ITPR1: variants seen among roughly 807,000 people sequenced by gnomAD.
The protein encoded by ITPR1 is inositol 1,4,5-trisphosphate receptor type 1.
ITPR1 carries 96 observed loss-of-function variants against 318.4 expected under a neutral mutation model. The ratio of observed to expected loss-of-function variants is 0.30; its 90% confidence interval spans 0.26 to 0.36. The LOEUF (loss-of-function observed/expected upper bound fraction) is 0.36. Among genes scored for constraint, ITPR1 ranks in the 10% least tolerant of loss-of-function variants. The probability of loss-of-function intolerance (pLI) is 1.00; values close to 1 mark genes in which losing one functional copy is unlikely to be tolerated. For missense variants in ITPR1, 2,440 were observed against 3,460.2 expected, an observed-to-expected ratio of 0.71 and a Z score of 7.40; for synonymous variants, 1,312 against 1,289.9, an observed-to-expected ratio of 1.02 and a Z score of -0.37.
In ITPR1 at chr3:4,735,297, C is replaced by T. The variant is rs774018521; in HGVS notation, c.5487C>T (p.Phe1829=). The change falls in exon 44 of 62, where the codon TTC becomes TTT. Residue 1829 remains phenylalanine (F), a synonymous_variant. Transcript: ENST00000649015. ...LIMNASSDRV[F]HESILLAIAL... ...TGAACGCATCCAGTGACCGAGTGTT[C>T]CATGAAAGCATTCTCCTGGCCATTG... is the stretch of plus-strand genomic sequence containing the variant. The T allele has an allele frequency of 7.4e-6, 12 of 1,613,960 alleles. No individual in the cohort carries two copies. Among genetic ancestry groups the T allele is most frequent in the Non-Finnish European group, 1.0e-5 (12 of 1,179,868 alleles).
chr3:4,569,693 A>G lies in ITPR1; in HGVS notation c.163+48599A>G, dbSNP rs538901956. Among the ~76,000 whole-genome samples the G allele has an allele frequency of 6.6e-5, 10 of 152,348 alleles. No homozygotes were observed. The South Asian group carries it at 2.1e-3, about 32-fold the overall frequency. On this transcript the variant is annotated intron_variant, in intron 4 of 61. Transcript: ENST00000649015. ...AGCATAGGTAACACAGCTGTTTTAG[A>G]GATGTCTTTAAAAGGGTACATGAGT...
Position 4,725,555 on chromosome 3 carries a change from G to A in ITPR1, c.5146G>A (p.Ala1716Thr), listed in dbSNP as rs766489652. The A allele has an allele frequency of 1.3e-5, 21 of 1,598,972 alleles. No homozygotes were observed. Among genetic ancestry groups the A allele is most frequent in the Non-Finnish European group, 1.6e-5 (19 of 1,179,610 alleles). ...DELDNAELPP[A>T]PDSENATEEL... The stretch of plus-strand genomic sequence containing the variant: ...TTTTACTCCCAATTAGCTTCCTCCA[G>A]CTCCGGATTCTGAGAACGCCACTGA... The change falls in exon 41 of 62, where the codon GCT (alanine) becomes ACT (threonine). Residue 1716 changes from alanine to threonine, a missense_variant. Around this residue, in one of 23 missense-constraint regions of ITPR1, gnomAD observed 166 missense variants for 143.7 expected, o/e 1.16. Coordinates refer to ENST00000649015, the MANE Select transcript of ITPR1 (RefSeq NM_001378452.1).
intron 54 of ITPR1, among the ~76,000 whole-genome samples, chr3:4,800,915 G>T (rs1181559852): frequency 6.6e-6 from 1 of 152,192 alleles, no homozygotes; most frequent in African/African-American, 2.4e-5. Context: ...CTGGTCAAAG[G>T]TTTGTTGGGA....
At chr3:4,631,405 T>C (rs967208276) in intron 5 of ITPR1, among the ~76,000 whole-genome samples, 3 of 152,222 alleles carry the variant, frequency 2.0e-5, no homozygotes, top group African/African-American at 2.4e-5. Flanking sequence ...TGCAAAAATA[T>C]GTATGTTACT....
chr3:4,652,103 C>G lies in ITPR1; in HGVS notation c.856-20C>G. 1 of 1,581,480 alleles carries G rather than the reference C, an allele frequency of 6.3e-7. No homozygotes were observed. Among genetic ancestry groups the G allele is most frequent in the Non-Finnish European group, 8.7e-7 (1 of 1,154,562 alleles). On this transcript the variant is annotated intron_variant, in intron 10 of 61. Coordinates refer to ENST00000649015, the MANE Select transcript of ITPR1 (RefSeq NM_001378452.1). Reference sequence around the variant, plus strand: ...AGTGTAGGTTGACATTTCATTGACTCCTGTTGATCATTCTTGCAGGTGGTC... The same window carrying G: ...AGTGTAGGTTGACATTTCATTGACTGCTGTTGATCATTCTTGCAGGTGGTC...
chr3:4,620,883 T>C (rs2092603474), intron 4 of ITPR1, among the ~76,000 whole-genome samples: 1 of 152,018 alleles, frequency 6.6e-6, no homozygotes. Context: ...TCCTCAACTT[T>C]CCTCCTCTCC....
intron 4 of ITPR1, among the ~76,000 whole-genome samples, chr3:4,543,468 C>T (rs764376943): frequency 6.6e-6 from 1 of 152,100 alleles, no homozygotes; most frequent in Non-Finnish European, 1.5e-5. Flanking sequence ...AAAACAAAAA[C>T]AAAACAGGTA....
intron 61 of ITPR1, among the ~76,000 whole-genome samples, chr3:4,837,763 T>TATGTATTA (rs2051034551): frequency 1.3e-5 from 2 of 152,170 alleles, no homozygotes; most frequent in South Asian, 4.2e-4. Flanking sequence ...TATCTAGTGA[T>TATGTATTA]AGGATGCAGC....
chr3:4,737,475 C>T (rs2034986145), intron 44 of ITPR1, among the ~76,000 whole-genome samples: 1 of 152,046 alleles, frequency 6.6e-6, no homozygotes, highest in African/African-American at 2.4e-5. Context: ...TAGAGAGGGC[C>T]CAGAGGTGTG....
intron 10 of ITPR1, chr3:4,646,025 T>G: frequency 3.1e-6 from 1 of 319,812 alleles, no homozygotes; most frequent in African/African-American, 2.1e-5. Flanking sequence ...AATAAGTACT[T>G]TGGAAACAAA....
chr3:4,623,899 A>G (rs568073062), intron 4 of ITPR1, among the ~76,000 whole-genome samples: 3 of 152,278 alleles, frequency 2.0e-5, no homozygotes, highest in Non-Finnish European at 2.9e-5. Flanking sequence ...TCGCCCAAGG[A>G]AAATAGTTGA....
At chr3:4,692,441 G>T (rs2094495328) in intron 32 of ITPR1, among the ~76,000 whole-genome samples, 1 of 152,312 alleles carries the variant, frequency 6.6e-6, no homozygotes, top group African/African-American at 2.4e-5. Context: ...GTTAGCTATT[G>T]TATTTGTCCT....
intron 47 of ITPR1, 116 bp from the exon 48 acceptor site, chr3:4,777,148 A>G (rs1575208187): frequency 3.2e-6 from 2 of 620,912 alleles, no homozygotes; most frequent in East Asian, 5.6e-5. Flanking sequence ...GCTCTCCCCT[A>G]GAGACATTAC....
intron 44 of ITPR1, among the ~76,000 whole-genome samples, chr3:4,764,754 T>C (rs1262927858): frequency 1.3e-5 from 2 of 152,208 alleles, no homozygotes; most frequent in Non-Finnish European, 2.9e-5. Context: ...ACCAGCAGCC[T>C]CCTGGGTCAC....
intron 4 of ITPR1, among the ~76,000 whole-genome samples, chr3:4,601,302 T>C (rs992075629): frequency 2.6e-5 from 4 of 151,252 alleles, no homozygotes; most frequent in Non-Finnish European, 5.9e-5. Context: ...GAGAATCACT[T>C]GAGCCCAGGA....
At chr3:4,791,005 T>G (rs1219780041) in intron 52 of ITPR1, among the ~76,000 whole-genome samples, 2 of 152,322 alleles carry the variant, frequency 1.3e-5, no homozygotes, top group African/African-American at 4.8e-5. Context: ...GAGGCAGAGT[T>G]GAATGTGCTG....
intron 2 of ITPR1, among the ~76,000 whole-genome samples, chr3:4,510,521 T>C (rs1242548807): frequency 6.6e-6 from 1 of 152,174 alleles, no homozygotes; most frequent in African/African-American, 2.4e-5. Flanking sequence ...TAGTAAAGCT[T>C]AAAGTCAGCA....
chr3:4,671,447 A>G (rs1201918762), intron 20 of ITPR1: 1 of 152,304 alleles, frequency 6.6e-6, no homozygotes, highest in Admixed American at 6.5e-5. Context: ...ATGTACTTAC[A>G]CTAATACTTC....
At chr3:4,595,252 C>G (rs766362262) in intron 4 of ITPR1, among the ~76,000 whole-genome samples, 1 of 152,140 alleles carries the variant, frequency 6.6e-6, no homozygotes, top group Admixed American at 6.5e-5. Flanking sequence ...GGCATCTGCT[C>G]GGCTTCTGGG....
Sources: gnomAD v4.1 joint callset for allele counts (sites outside exome capture counted in the v4.1 genomes callset) on GRCh38, gnomAD v4.1.1 for gene constraint, gnomAD v4.1.1 regional missense constraint, MANE v1.5 for transcripts, NCBI Gene and HGNC (gene_info 2026-07-23, HGNC 2026-07-21) for gene names.